XPO5: variants seen among roughly 807,000 people sequenced by gnomAD.
The protein encoded by XPO5 is exportin-5.
A neutral mutation model predicts 160.6 loss-of-function variants in XPO5; 46 were observed. That is an observed-to-expected ratio of 0.29 (90% CI 0.23 to 0.37). XPO5 has a LOEUF of 0.37. XPO5 is among the 10% of genes least tolerant of loss of function. The pLI is 1.00. For synonymous variants in XPO5, 537 were observed against 519.3 expected (o/e 1.03, Z -0.46); for missense variants, 1,090 against 1,463.9 (o/e 0.74, Z 4.17).
Position 43,558,639 on chromosome 6 carries a change from G to T in XPO5, c.1222-48C>A, listed in dbSNP as rs773189289. On this transcript the variant is annotated intron_variant, in intron 11 of 31. Coordinates refer to ENST00000265351, the MANE Select transcript of XPO5 (RefSeq NM_020750.3). ...GGTAGGGGATGAAAGTGGACCCACT[G>T]AAAGAGTTTTTAAGCTTCAGGAGTT... 9.8e-6 allele frequency: 14 copies of T among 1,433,696 alleles called. No individual in the cohort carries two copies. In the East Asian group the frequency reaches 3.2e-4, roughly 33 times the overall value. The allele number at this position is 1,433,696 out of a possible 1,614,324, so 88.8% of individuals were successfully genotyped here.
At chr6:43,571,123 C>A (rs1762986403) in intron 3 of XPO5, 129 bp from the exon 4 acceptor site, 2 of 932,628 alleles carry the variant, frequency 2.1e-6, no homozygotes, top group Non-Finnish European at 3.2e-6. Context: ...AACAAATGAA[C>A]CTGTTCTTCA....
intron 8 of XPO5, among the ~76,000 whole-genome samples, 171 bp downstream of exon 8, chr6:43,565,489 C>T (rs1762649493): frequency 6.6e-6 from 1 of 151,770 alleles, no homozygotes; most frequent in Non-Finnish European, 1.5e-5. Context: ...CGCTTGATCC[C>T]AGGAGACGGA....
Position 43,575,967 on chromosome 6 carries a change from GC to G in XPO5, c.-104del, listed in dbSNP as rs1185650450. The G allele has an allele frequency of 7.5e-6, 9 of 1,194,934 alleles. No homozygotes were observed. In the African/African-American group the frequency reaches 1.1e-4, roughly 15 times the overall value. The allele number at this position is 1,194,934 out of a possible 1,614,324, so 74.0% of individuals were successfully genotyped here. On this transcript the variant is annotated 5_prime_UTR_variant, in exon 1 of 32. Transcript: ENST00000265351. ...ACCCGTTGGTACCGGGCCGCGGCGG[GC>G]GGCGGGGGTGGGAAGCTGGAGGAGG...
intron 3 of XPO5, 37 bp downstream of exon 3, chr6:43,572,469 A>G (rs899453697): frequency 1.9e-6 from 3 of 1,608,266 alleles, no homozygotes; most frequent in African/African-American, 2.7e-5. Context: ...TGCCTAAACT[A>G]CCTTGGAAAC....
At chr6:43,542,595 G>A (rs1794758926) in intron 20 of XPO5, among the ~76,000 whole-genome samples, 1 of 151,744 alleles carries the variant, frequency 6.6e-6, no homozygotes, top group Non-Finnish European at 1.5e-5. Flanking sequence ...GTTGGTGGTG[G>A]TGGTATTTTG....
intron 8 of XPO5, among the ~76,000 whole-genome samples, chr6:43,564,885 T>C: frequency 6.6e-6 from 1 of 151,988 alleles, no homozygotes. Context: ...GTTACAAATG[T>C]TAGCTAGCAC....
intron 1 of XPO5, among the ~76,000 whole-genome samples, chr6:43,574,248 A>G (rs75014693): frequency 0.013 from 1,911 of 151,916 alleles, 42 homozygotes; most frequent in African/African-American, 0.044. Context: ...GGCTGAAGTG[A>G]GCCGAGATCT....
intron 6 of XPO5, among the ~76,000 whole-genome samples, chr6:43,568,088 G>C (rs1281664364): frequency 6.6e-6 from 1 of 151,358 alleles, no homozygotes; most frequent in African/African-American, 2.4e-5. Flanking sequence ...GAGGGCGGAT[G>C]ATGAGGTCAG....
chr6:43,546,125 C>A (rs951745612), intron 20 of XPO5, among the ~76,000 whole-genome samples: 1 of 152,054 alleles, frequency 6.6e-6, no homozygotes, highest in Non-Finnish European at 1.5e-5. Context: ...GTTCAGCCAG[C>A]GGTTGTTTGG....
intron 17 of XPO5, among the ~76,000 whole-genome samples, chr6:43,549,171 C>T (rs1795109356): frequency 6.6e-6 from 1 of 152,142 alleles, no homozygotes; most frequent in Non-Finnish European, 1.5e-5. Flanking sequence ...AAGTGATTCT[C>T]CTGCCTCAGC....
chr6:43,526,328 G>T (rs1468799266), intron 27 of XPO5: 4 of 380,616 alleles, frequency 1.1e-5, no homozygotes, highest in Non-Finnish European at 4.9e-6. Context: ...CATAATGTTG[G>T]GTAGTGACAA....
At chr6:43,546,517 A>C in intron 20 of XPO5, 54 bp downstream of exon 20, 6 of 1,539,138 alleles carry the variant, frequency 3.9e-6, no homozygotes, top group Non-Finnish European at 5.2e-6. Context: ...TAAACTTTTG[A>C]AATTTTTAAG....
In XPO5 at chr6:43,528,829, A is replaced by G. The variant is rs1793764952; in HGVS notation, c.2774T>C (p.Met925Thr). 1 of 1,613,306 alleles carries G rather than the reference A, an allele frequency of 6.2e-7. No homozygotes were observed. ...TCCTGTTCCTGACTTATCTCTTACC[A>G]TATGGAGGTAGGTGAAAAGAGGTCC... ...ILGPLFTYLH[M>T]RLSQKWQVIN... Residue 925 changes from methionine (M) to threonine (T), a missense_variant and splice_region_variant, in exon 24 of 32, where the codon ATG becomes ACG. Coordinates refer to ENST00000265351, the MANE Select transcript of XPO5 (RefSeq NM_020750.3).
At chr6:43,526,402 T>C (rs920836107) in intron 27 of XPO5, 1 of 468,718 alleles carries the variant, frequency 2.1e-6, no homozygotes, top group Non-Finnish European at 3.9e-6. Context: ...TTTGATAGGT[T>C]GGTCATGGAC....
intron 20 of XPO5, among the ~76,000 whole-genome samples, chr6:43,538,631 T>C (rs1236958553): frequency 6.6e-6 from 1 of 152,236 alleles, no homozygotes; most frequent in Admixed American, 6.5e-5. Context: ...TAGCTCCATA[T>C]TGCTTTTGAT....
Position 43,570,583 on chromosome 6 carries a change from T to C in XPO5, c.540A>G (p.Gln180=), listed in dbSNP as rs777749920. The change falls in exon 5 of 32, where the codon CAA becomes CAG. Residue 180 remains glutamine (Q), a synonymous_variant. Coordinates refer to ENST00000265351, the MANE Select transcript of XPO5 (RefSeq NM_020750.3). ...TCCTTTCCATGTTCTGGGTTAATGT[T>C]TGCTGGATGTCCCTTCTTCTTTGAG... ...LPPQRRRDIQ[Q]TLTQNMERIF... is the part of the protein sequence containing the mutation. 1 of 1,613,886 alleles carries C rather than the reference T, an allele frequency of 6.2e-7. No homozygotes were observed. Among genetic ancestry groups the C allele is most frequent in the East Asian group, 2.2e-5 (1 of 44,866 alleles).
chr6:43,547,512 G>C (rs1795016368), intron 19 of XPO5, 96 bp downstream of exon 19: 1 of 1,120,198 alleles, frequency 8.9e-7, no homozygotes, highest in Non-Finnish European at 1.3e-6. Flanking sequence ...TTTCTCACCA[G>C]TATAGAAAAA....
chr6:43,555,865 G>A lies in XPO5; in HGVS notation c.1412C>T (p.Ser471Leu), dbSNP rs575516907. 2 of 1,613,912 alleles carry A rather than the reference G, an allele frequency of 1.2e-6. No individual in the cohort carries two copies. Among genetic ancestry groups the A allele is most frequent in the Admixed American group, 3.3e-5 (2 of 59,990 alleles). The change falls in exon 13 of 32, where the codon TCA (serine) becomes TTA (leucine). Residue 471 changes from serine to leucine, a missense_variant. Physicochemically the swap from Ser to Leu is moderately radical, Grantham distance 145. Transcript: ENST00000265351. ...MAGEWLKYQL[S>L]TFLDAGSVNS... is the part of the protein sequence containing the mutation. ...CACAGAACCAGCATCAAGAAAAGTTGATAGTTGATACTTTAGCCACTCCCC... is the reference window on the plus strand; with the variant it reads ...CACAGAACCAGCATCAAGAAAAGTTAATAGTTGATACTTTAGCCACTCCCC...
intron 20 of XPO5, among the ~76,000 whole-genome samples, chr6:43,541,775 A>G (rs1404130362): frequency 6.6e-6 from 1 of 152,102 alleles, no homozygotes; most frequent in Non-Finnish European, 1.5e-5. Flanking sequence ...TAGTAATCCA[A>G]TACTTCTTTT....
Sources: gnomAD v4.1 joint callset for allele counts (sites outside exome capture counted in the v4.1 genomes callset) on GRCh38, gnomAD v4.1.1 for gene constraint, MANE v1.5 for transcripts, NCBI Gene and HGNC (gene_info 2026-07-23, HGNC 2026-07-21) for gene names.